Variants in GNB1L observed in about 807,000 individuals in gnomAD.
The protein encoded by GNB1L is guanine nucleotide-binding protein subunit beta-like protein 1.
GNB1L carries 20 observed loss-of-function variants against 29.1 expected under a neutral mutation model. The observed-to-expected ratio is 0.69, with a 90% CI of 0.48 to 1.00. The LOEUF (loss-of-function observed/expected upper bound fraction) is 1.00. Ranked by LOEUF, GNB1L falls within the 50% of genes least tolerant of loss-of-function variation. The pLI is 0.00. For missense variants in GNB1L, 421 were observed against 464.9 expected, an observed-to-expected ratio of 0.91 and a Z score of 0.87; for synonymous variants, 193 against 206.5, an observed-to-expected ratio of 0.93 and a Z score of 0.56.
chr22:19,828,994 GC>G (rs1048625139), intron 2 of GNB1L, among the ~76,000 whole-genome samples: 1 of 152,180 alleles, frequency 6.6e-6, no homozygotes, highest in Non-Finnish European at 1.5e-5. Flanking sequence ...ACAGTGCCCG[GC>G]TAATTTCTGT....
chr22:19,826,721 C>T (rs1471707077), intron 2 of GNB1L, among the ~76,000 whole-genome samples: 2 of 152,222 alleles, frequency 1.3e-5, no homozygotes, highest in Non-Finnish European at 1.5e-5. Context: ...AGACATCTGG[C>T]TGTCACCACT....
intron 2 of GNB1L, among the ~76,000 whole-genome samples, chr22:19,827,686 T>G (rs1468090): frequency 0.12 from 18,178 of 152,230 alleles, 1,449 homozygotes; most frequent in Middle Eastern, 0.22. Flanking sequence ...AATTAAACAG[T>G]CTGTCAAATG....
At chr22:19,841,022 A>G (rs558470709) in intron 2 of GNB1L, among the ~76,000 whole-genome samples, 123 of 152,336 alleles carry the variant, frequency 8.1e-4, no homozygotes, top group African/African-American at 2.9e-3. Context: ...TCCTGGCCAG[A>G]GGAGCCTGGG....
intron 4 of GNB1L, 132 bp downstream of exon 4, chr22:19,820,466 G>T: frequency 2.0e-6 from 2 of 991,576 alleles, no homozygotes; most frequent in Non-Finnish European, 3.0e-6. Flanking sequence ...TGCCCTTGCT[G>T]CGGACCCTTT....
At chr22:19,836,259 A>C (rs1311896269) in intron 2 of GNB1L, among the ~76,000 whole-genome samples, 1 of 152,190 alleles carries the variant, frequency 6.6e-6, no homozygotes, top group Non-Finnish European at 1.5e-5. Context: ...AGATACTATG[A>C]ACAACTCAAA....
intron 5 of GNB1L, among the ~76,000 whole-genome samples, chr22:19,809,745 T>C (rs1382933965): frequency 6.6e-6 from 1 of 152,172 alleles, no homozygotes; most frequent in Non-Finnish European, 1.5e-5. Context: ...TAAGGGAACT[T>C]TTCCCATTTC....
intron 2 of GNB1L, chr22:19,847,378 G>T (rs1438589536): frequency 2.0e-6 from 2 of 985,402 alleles, no homozygotes; most frequent in Non-Finnish European, 2.4e-6. Flanking sequence ...GGATCTTTGG[G>T]CTTTTCCAGT....
chr22:19,849,258 C>T (rs776315004), intron 2 of GNB1L: 1 of 984,890 alleles, frequency 1.0e-6, no homozygotes. Flanking sequence ...GTATCTGTGC[C>T]CTGAAATAAC....
chr22:19,820,431 G>A (rs967089262), intron 4 of GNB1L, among the ~76,000 whole-genome samples, 167 bp downstream of exon 4: 8 of 152,172 alleles, frequency 5.3e-5, no homozygotes, highest in African/African-American at 1.4e-4. Context: ...GCCTCCCTGT[G>A]ACAAGGGGCT....
At chr22:19,846,549 C>T (rs1937966042) in intron 2 of GNB1L, 3 of 985,408 alleles carry the variant, frequency 3.0e-6, no homozygotes, top group Non-Finnish European at 2.4e-6. Context: ...AAGACAAAAC[C>T]AGAGAAGCCT....
intron 2 of GNB1L, among the ~76,000 whole-genome samples, chr22:19,831,043 A>G (rs2145889324): frequency 6.6e-6 from 1 of 152,222 alleles, no homozygotes; most frequent in East Asian, 1.9e-4. Context: ...AGAAGAAAAC[A>G]TGGAAGAACT....
intron 7 of GNB1L, among the ~76,000 whole-genome samples, chr22:19,790,426 A>T (rs1937240834): frequency 6.6e-6 from 1 of 152,140 alleles, no homozygotes; most frequent in South Asian, 2.1e-4. Flanking sequence ...ATAAGTAATG[A>T]CAAAAATAGC....
intron 2 of GNB1L, chr22:19,847,980 T>C (rs1569056511): frequency 1.0e-6 from 1 of 985,354 alleles, no homozygotes; most frequent in Non-Finnish European, 1.2e-6. Context: ...ACTCGTTAAT[T>C]GGAAACACCT....
At chr22:19,848,715 G>A (rs542236751) in intron 2 of GNB1L, 21 of 985,358 alleles carry the variant, frequency 2.1e-5, no homozygotes, top group African/African-American at 8.7e-5. Flanking sequence ...TCAGACACAC[G>A]GCAGACCATA....
Position 19,850,674 on chromosome 22 carries a change from C to A in GNB1L, c.-21+3769G>T, listed in dbSNP as rs372995563. On this transcript the variant is annotated intron_variant, in intron 2 of 7. Transcript: ENST00000329517. ...CCAGGCAGCCTTCCTCACATTCCAG[C>A]TGGGACAGAAGTCACAGGGAGCAGA... 1.2e-5 allele frequency: 15 copies of A among 1,230,500 alleles called. No homozygotes were observed. The East Asian group carries it at 4.1e-4, about 34-fold the overall frequency. The allele number at this position is 1,230,500 out of a possible 1,614,324, so 76.2% of individuals were successfully genotyped here.
chr22:19,808,602 A>T (rs77886245), intron 5 of GNB1L, among the ~76,000 whole-genome samples: 3,058 of 152,334 alleles, frequency 0.02, 100 homozygotes, highest in African/African-American at 0.07. Flanking sequence ...AGGAACATTG[A>T]TGTCCAAAAA....
At chr22:19,850,930 A>G in intron 2 of GNB1L, 3 of 1,364,590 alleles carry the variant, frequency 2.2e-6, no homozygotes, top group South Asian at 2.0e-5. Context: ...GAAGACGGGC[A>G]GGGATGCAGC....
chr22:19,838,505 T>G (rs1401999314), intron 2 of GNB1L, among the ~76,000 whole-genome samples: 1 of 151,714 alleles, frequency 6.6e-6, no homozygotes, highest in Non-Finnish European at 1.5e-5. Flanking sequence ...AGAGTCTCGC[T>G]CTGTTGCCAG....
At chr22:19,800,598 C>T (rs556032841) in intron 7 of GNB1L, among the ~76,000 whole-genome samples, 10 of 152,206 alleles carry the variant, frequency 6.6e-5, no homozygotes, top group Non-Finnish European at 1.5e-4. Context: ...ATGACACATC[C>T]ACCGACCACC....
Sources: allele counts gnomAD v4.1 joint callset (sites outside exome capture counted in the v4.1 genomes callset), GRCh38; gene constraint gnomAD v4.1.1; transcripts MANE v1.5; gene names NCBI Gene and HGNC (gene_info 2026-07-23, HGNC 2026-07-21).